Variants in BIRC6 observed in about 807,000 individuals in gnomAD.
BIRC6 encodes baculoviral IAP repeat containing 6.
In BIRC6, 98 loss-of-function variants were observed where a neutral mutation model predicts 503.3. The ratio of observed to expected loss-of-function variants is 0.19; its 90% CI spans 0.17 to 0.23. The LOEUF is 0.23. BIRC6 is among the 10% of genes least tolerant of loss of function. The pLI is 1.00. For synonymous variants in BIRC6, 2,240 were observed against 2,078.7 expected (o/e 1.08, Z -2.11); for missense variants, 5,360 against 5,806.0 (o/e 0.92, Z 2.50).
intron 65 of BIRC6, chr2:32,566,204 A>C (rs1053431606): frequency 1.6e-4 from 25 of 152,182 alleles, no homozygotes; most frequent in African/African-American, 5.1e-4. Context: ...AGCATATTCT[A>C]ATTTTTTATG....
In BIRC6 at chr2:32,467,580, A is replaced by G; in HGVS notation, c.5412A>G (p.Val1804=). Residue 1804 remains valine, a synonymous_variant, in exon 27 of 74, where the codon GTA becomes GTG. Coordinates refer to ENST00000421745, the MANE Select transcript of BIRC6 (RefSeq NM_016252.4). Reference sequence around the variant, plus strand: ...GGAGGCCTATATTGTTGACTGATGTATTGATTCCCACTTGTGGAGACTTGG... The same window carrying G: ...GGAGGCCTATATTGTTGACTGATGTGTTGATTCCCACTTGTGGAGACTTGG... ...DFGRPILLTD[V]LIPTCGDLAS... 1 of 1,613,944 alleles carries G rather than the reference A, an allele frequency of 6.2e-7. No homozygotes were observed. Among genetic ancestry groups the G allele is most frequent in the Non-Finnish European group, 8.5e-7 (1 of 1,179,876 alleles).
intron 4 of BIRC6, among the ~76,000 whole-genome samples, chr2:32,389,223 T>A (rs907909512): frequency 6.6e-6 from 1 of 152,162 alleles, no homozygotes; most frequent in Non-Finnish European, 1.5e-5. Flanking sequence ...TAGTACTTGC[T>A]TAGTAAATAT....
At chr2:32,378,483 A>G (rs1469433751) in intron 2 of BIRC6, among the ~76,000 whole-genome samples, 2 of 150,566 alleles carry the variant, frequency 1.3e-5, no homozygotes, top group Non-Finnish European at 3.0e-5. Flanking sequence ...TTTGAGTCAG[A>G]GTCTTGCTCT....
At chr2:32,571,536 G>A (rs1356369448) in intron 65 of BIRC6, among the ~76,000 whole-genome samples, 6 of 151,820 alleles carry the variant, frequency 4.0e-5, no homozygotes, top group Non-Finnish European at 1.5e-5. Context: ...GGTTTTCTAG[G>A]TTGAGTGTAG....
intron 72 of BIRC6, among the ~76,000 whole-genome samples, chr2:32,609,005 G>A (rs1028805643): frequency 2.0e-5 from 3 of 151,620 alleles, no homozygotes; most frequent in Admixed American, 6.6e-5. Context: ...TCAGCCTCCC[G>A]AGTAGCTGGG....
At chr2:32,570,620 C>A (rs1014085806) in intron 65 of BIRC6, among the ~76,000 whole-genome samples, 1 of 151,198 alleles carries the variant, frequency 6.6e-6, no homozygotes, top group Non-Finnish European at 1.5e-5. Context: ...TGCCTCAGCA[C>A]CCCCAAGTAG....
intron 35 of BIRC6, 37 bp downstream of exon 35, chr2:32,477,620 C>T (rs772998402): frequency 2.3e-5 from 35 of 1,544,172 alleles, no homozygotes; most frequent in Non-Finnish European, 2.7e-5. Flanking sequence ...CAGGGTTGGC[C>T]GGGCGCAGTG....
In BIRC6 at chr2:32,491,539, C is replaced by T; in HGVS notation, c.8321C>T (p.Thr2774Ile). ...CTTTCTGGCACCAGTCCACATGGAACAAATCAACACAGTCCACAGGTAATA... is the reference window on the plus strand; with the variant it reads ...CTTTCTGGCACCAGTCCACATGGAATAAATCAACACAGTCCACAGGTAATA... ...KFLSGTSPHG[T>I]NQHSPQVGPT... Residue 2774 changes from threonine (T) to isoleucine (I), a missense_variant, in exon 44 of 74, where the codon ACA (threonine) becomes ATA (isoleucine). Transcript: ENST00000421745. The T allele has an allele frequency of 2.5e-6, 4 of 1,613,428 alleles. No individual in the cohort carries two copies. Among genetic ancestry groups the T allele is most frequent in the Non-Finnish European group, 3.4e-6 (4 of 1,179,592 alleles).
At chr2:32,477,609 AC>A in intron 35 of BIRC6, 26 bp downstream of exon 35, 1 of 1,596,510 alleles carries the variant, frequency 6.3e-7, no homozygotes. Context: ...GTGTAGACTT[AC>A]AGGGTTGGCC....
intron 17 of BIRC6, 75 bp downstream of exon 17, chr2:32,441,537 CAAAT>C (rs1558733920): frequency 4.5e-6 from 6 of 1,346,714 alleles, no homozygotes; most frequent in African/African-American, 1.5e-5. Flanking sequence ...CATACACACA[CAAAT>C]AAAAAATCTT....
Position 32,509,750 on chromosome 2 carries a change from A to G in BIRC6, c.9993A>G (p.Leu3331=). The G allele has an allele frequency of 6.2e-7, 1 of 1,613,994 alleles. No homozygotes were observed. Among genetic ancestry groups the G allele is most frequent in the Non-Finnish European group, 8.5e-7 (1 of 1,179,868 alleles). Residue 3331 remains leucine (L), a synonymous_variant, in exon 52 of 74, where the codon TTA becomes TTG. Transcript: ENST00000421745. ...DQVSKTSIGW[L]RLLHHCLTHI... ...TTTGTATTTTCAGTATTGGATGGTT[A>G]CGGTTATTACATCATTGCCTTACTC... is the stretch of plus-strand genomic sequence containing the variant.
intron 9 of BIRC6, among the ~76,000 whole-genome samples, chr2:32,407,305 A>G (rs1196141779): frequency 6.6e-6 from 1 of 152,042 alleles, no homozygotes; most frequent in Non-Finnish European, 1.5e-5. Context: ...ACAATTAGCC[A>G]GGCGTGGTGG....
At chr2:32,412,302 G>GC (rs1421109236) in intron 9 of BIRC6, among the ~76,000 whole-genome samples, 1 of 151,976 alleles carries the variant, frequency 6.6e-6, no homozygotes, top group African/African-American at 2.4e-5. Context: ...TTCGACACTA[G>GC]CCGGACCAAC....
At chr2:32,465,333 C>T (rs2048433837) in intron 26 of BIRC6, among the ~76,000 whole-genome samples, 169 bp downstream of exon 26, 1 of 147,444 alleles carries the variant, frequency 6.8e-6, no homozygotes, top group African/African-American at 2.5e-5. Context: ...CATGTTCAAG[C>T]TTTGTGCTCA....
At chr2:32,363,261 G>A (rs960702601) in intron 1 of BIRC6, among the ~76,000 whole-genome samples, 1 of 152,182 alleles carries the variant, frequency 6.6e-6, no homozygotes, top group Admixed American at 6.5e-5. Flanking sequence ...GAACCTGGGA[G>A]GTTGAGGCTT....
chr2:32,585,755 C>G (rs544695231), intron 66 of BIRC6, among the ~76,000 whole-genome samples: 1 of 152,270 alleles, frequency 6.6e-6, no homozygotes, highest in South Asian at 2.1e-4. Flanking sequence ...ATAAGCCAAT[C>G]TGCCCTAAAT....
At chr2:32,369,974 A>G (rs1271343716) in intron 1 of BIRC6, among the ~76,000 whole-genome samples, 1 of 62,974 alleles carries the variant, frequency 1.6e-5, no homozygotes, top group South Asian at 6.0e-4. Context: ...ATATATATAT[A>G]TATATATATA....
intron 26 of BIRC6, among the ~76,000 whole-genome samples, chr2:32,467,257 C>G (rs2048654041): frequency 6.6e-6 from 1 of 152,202 alleles, no homozygotes; most frequent in Non-Finnish European, 1.5e-5. Context: ...TCAGGTCCCC[C>G]AGTAGCTGGG....
chr2:32,538,387 T>A (rs2057403220), intron 61 of BIRC6, among the ~76,000 whole-genome samples: 1 of 152,052 alleles, frequency 6.6e-6, no homozygotes, highest in South Asian at 2.1e-4. Flanking sequence ...GTTTTAGTCC[T>A]GCTCAGAGAT....
Sources: gnomAD v4.1 joint callset for allele counts (sites outside exome capture counted in the v4.1 genomes callset) on GRCh38, gnomAD v4.1.1 for gene constraint, MANE v1.5 for transcripts, NCBI Gene and HGNC (gene_info 2026-07-23, HGNC 2026-07-21) for gene names.